Variants in DCUN1D1 observed in about 807,000 individuals in gnomAD.
DCUN1D1 encodes DCN1-like protein 1.
DCUN1D1 carries 3 observed loss-of-function variants against 39.0 expected under a neutral mutation model. That is an observed-to-expected ratio of 0.08 (90% CI 0.04 to 0.20). The LOEUF is 0.20. Ranked by LOEUF, DCUN1D1 falls within the 10% of genes least tolerant of loss-of-function variation. The pLI is 1.00. For missense variants in DCUN1D1, 158 were observed against 302.4 expected (o/e 0.52, Z 3.54); for synonymous variants, 82 against 96.3 (o/e 0.85, Z 0.87).
At chr3:182,954,704 C>T (rs972825555) in intron 4 of DCUN1D1, among the ~76,000 whole-genome samples, 1 of 152,130 alleles carries the variant, frequency 6.6e-6, no homozygotes, top group African/African-American at 2.4e-5. Flanking sequence ...GAGAATGCTG[C>T]TTCTGCTTTT....
chr3:182,941,878 G>A lies in DCUN1D1; in HGVS notation c.*3216C>T, dbSNP rs576995567. On this transcript the variant is annotated 3_prime_UTR_variant, in exon 7 of 7. Transcript: ENST00000292782. The stretch of plus-strand genomic sequence containing the variant: ...TCATTCATATGTGAAAATTACAGAA[G>A]GTTTACAATACGTAGTCTTAATAGT... 1.3e-5 allele frequency: 2 copies of A among 151,866 alleles called. No individual in the cohort carries two copies. Among genetic ancestry groups the A allele is most frequent in the East Asian group, 3.9e-4 (2 of 5,194 alleles). The allele number at this position is 151,866 out of a possible 1,614,324, so 9.4% of individuals were successfully genotyped here.
chr3:182,955,416 T>C (rs925090639), intron 4 of DCUN1D1: 6 of 540,838 alleles, frequency 1.1e-5, no homozygotes, highest in South Asian at 4.2e-5. Flanking sequence ...TTCCCACATT[T>C]TGCGCAAACT....
chr3:182,981,212 G>A (rs1466186168), upstream of DCUN1D1, among the ~76,000 whole-genome samples: 2 of 152,096 alleles, frequency 1.3e-5, no homozygotes, highest in Non-Finnish European at 2.9e-5. Context: ...ATAGTGAGAT[G>A]GGGTGGGGTG....
At position 182,945,067 on chromosome 3, in the gene DCUN1D1, T is replaced by C. The variant is rs1051776339; in HGVS notation, c.*27A>G. ...TCTGTTGTATTTATTGTACAGACTA[T>C]GTACATTCTAGAAGGTTCCTTTAGT... is the stretch of plus-strand genomic sequence containing the variant. On this transcript the variant is annotated 3_prime_UTR_variant, in exon 7 of 7. Coordinates refer to ENST00000292782, the MANE Select transcript of DCUN1D1 (RefSeq NM_020640.4). The C allele has an allele frequency of 6.3e-7, 1 of 1,584,052 alleles. No individual in the cohort carries two copies. Among genetic ancestry groups the C allele is most frequent in the Non-Finnish European group, 8.7e-7 (1 of 1,154,794 alleles).
intron 4 of DCUN1D1, among the ~76,000 whole-genome samples, chr3:182,951,894 C>T (rs1267552392): frequency 6.6e-6 from 1 of 151,930 alleles, no homozygotes; most frequent in Non-Finnish European, 1.5e-5. Context: ...CAGGATTTCT[C>T]CCTGTTGGTC....
Position 182,972,975 on chromosome 3 carries a change from G to C in DCUN1D1, c.4-7222C>G, listed in dbSNP as rs574594089. ...GAAAATTGCTTGAACCCGGGAGGCG[G>C]AGGTTGTGGTGAGCGGAGATCACAC... On this transcript the variant is annotated intron_variant, in intron 1 of 6. Transcript: ENST00000292782. Among the ~76,000 whole-genome samples, 82 of 152,214 alleles carry C rather than the reference G, an allele frequency of 5.4e-4. 1 individual carries two copies. The highest frequency in any genetic ancestry group is 5.4e-3 in the Admixed American group (82 of 15,302).
intron 4 of DCUN1D1, among the ~76,000 whole-genome samples, chr3:182,958,327 T>TA (rs1286456248): frequency 6.6e-6 from 1 of 152,108 alleles, no homozygotes; most frequent in East Asian, 1.9e-4. Context: ...GAGCAGAAAG[T>TA]AGAGATTTCC....
Position 182,940,313 on chromosome 3 carries a change from A to G in DCUN1D1, c.*4781T>C, listed in dbSNP as rs554275950. ...ATTTGAATATATATGTACTTTTTAA[A>G]TATAAAATGAGTATGTTCCGTTTGT... On this transcript the variant is annotated 3_prime_UTR_variant, in exon 7 of 7. Transcript: ENST00000292782. 12 of 152,314 alleles carry G rather than the reference A, an allele frequency of 7.9e-5. No individual in the cohort carries two copies. The highest frequency in any genetic ancestry group is 2.9e-4 in the African/African-American group (12 of 41,570). The allele number at this position is 152,314 out of a possible 1,614,324, so 9.4% of individuals were successfully genotyped here. A position where few individuals can be genotyped will look rare whatever the true frequency, so the allele number is the denominator to read the frequency against.
chr3:182,985,208 C>G (rs903661413), upstream of DCUN1D1, among the ~76,000 whole-genome samples: 1 of 152,136 alleles, frequency 6.6e-6, no homozygotes, highest in African/African-American at 2.4e-5. Context: ...ATGAAAGCCA[C>G]GGTTCCAAAG....
upstream of DCUN1D1, among the ~76,000 whole-genome samples, chr3:182,983,308 C>T (rs368873458): frequency 3.0e-4 from 45 of 152,322 alleles, no homozygotes; most frequent in East Asian, 3.5e-3. Flanking sequence ...ATCCTCACTG[C>T]GACACATACT....
At position 182,944,922 on chromosome 3, in the gene DCUN1D1, G is replaced by T; in HGVS notation, c.*172C>A. On this transcript the variant is annotated 3_prime_UTR_variant, in exon 7 of 7. Coordinates refer to ENST00000292782, the MANE Select transcript of DCUN1D1 (RefSeq NM_020640.4). The stretch of plus-strand genomic sequence containing the variant: ...AGAAGACAAGCCCAAACCACCATTA[G>T]AAGAATGAAATACGATATGGTCCAA... 1.8e-6 allele frequency: 1 copy of T among 567,778 alleles called. No homozygotes were observed. The highest frequency in any genetic ancestry group is 3.1e-6 in the Non-Finnish European group (1 of 325,146). 35.2% of individuals were successfully genotyped at this position (567,778 alleles called of 1,614,324 possible). A position where few individuals can be genotyped will look rare whatever the true frequency, so the allele number is the denominator to read the frequency against.
chr3:182,940,936 G>A lies in DCUN1D1; in HGVS notation c.*4158C>T, dbSNP rs1007561756. ...AAACTCCATAAAGACATTACTTATT[G>A]AGAATTCCACTAACTACAAAGGCTG... On this transcript the variant is annotated 3_prime_UTR_variant, in exon 7 of 7. Transcript: ENST00000292782. 6 of 152,064 alleles carry A rather than the reference G, an allele frequency of 3.9e-5. No individual in the cohort carries two copies. The South Asian group carries it at 6.2e-4, about 16-fold the overall frequency. The allele number at this position is 152,064 out of a possible 1,614,324, so 9.4% of individuals were successfully genotyped here. A position where few individuals can be genotyped will look rare whatever the true frequency, so the allele number is the denominator to read the frequency against.
Position 182,945,044 on chromosome 3 carries a change from T to C in DCUN1D1, c.*50A>G. On this transcript the variant is annotated 3_prime_UTR_variant, in exon 7 of 7. Coordinates refer to ENST00000292782, the MANE Select transcript of DCUN1D1 (RefSeq NM_020640.4). ...AGCAGAAATTGACTGTGCAATTTTC[T>C]GTTGTATTTATTGTACAGACTATGT... 1 of 1,492,202 alleles carries C rather than the reference T, an allele frequency of 6.7e-7. No homozygotes were observed. Among genetic ancestry groups the C allele is most frequent in the Non-Finnish European group, 9.3e-7 (1 of 1,073,736 alleles). The allele number at this position is 1,492,202 out of a possible 1,614,324, so 92.4% of individuals were successfully genotyped here.
chr3:182,955,765 G>C (rs1301919851), intron 4 of DCUN1D1: 4 of 300,652 alleles, frequency 1.3e-5, no homozygotes, highest in Middle Eastern at 1.2e-3. Context: ...ATTTTTAGTA[G>C]AAACAGGGTT....
intron 6 of DCUN1D1, among the ~76,000 whole-genome samples, chr3:182,945,472 A>G (rs1422503280): frequency 1.3e-5 from 2 of 152,184 alleles, no homozygotes; most frequent in African/African-American, 4.8e-5. Flanking sequence ...CAGTCAGCCA[A>G]TGGAAGTAAT....
At chr3:182,947,721 C>A in intron 4 of DCUN1D1, 89 bp from the exon 5 acceptor site, 3 of 751,528 alleles carry the variant, frequency 4.0e-6, no homozygotes, top group East Asian at 2.8e-5. Context: ...CAGGTATGAC[C>A]AAAGAAAGTC....
intron 6 of DCUN1D1, 35 bp downstream of exon 6, chr3:182,947,203 T>A: frequency 8.0e-7 from 1 of 1,253,362 alleles, no homozygotes; most frequent in South Asian, 1.3e-5. Flanking sequence ...AAAAGGCACA[T>A]TAAAAAAAAG....
chr3:182,983,790 C>G (rs1265327593), upstream of DCUN1D1, among the ~76,000 whole-genome samples: 1 of 152,112 alleles, frequency 6.6e-6, no homozygotes, highest in Non-Finnish European at 1.5e-5. Flanking sequence ...TCTGGTTAGT[C>G]TATTCTCTTG....
At position 182,947,218 on chromosome 3, in the gene DCUN1D1, G is replaced by C; in HGVS notation, c.700+20C>G. 6.8e-7 allele frequency: 1 copy of C among 1,479,316 alleles called. No homozygotes were observed. Among genetic ancestry groups the C allele is most frequent in the East Asian group, 2.3e-5 (1 of 43,064 alleles). The allele number at this position is 1,479,316 out of a possible 1,614,324, so 91.6% of individuals were successfully genotyped here. ...AAAAGGCACATTAAAAAAAAGTGGT[G>C]TGGCAAAAATTTTCATTACCTTCTT... On this transcript the variant is annotated intron_variant, in intron 6 of 6. Coordinates refer to ENST00000292782, the MANE Select transcript of DCUN1D1 (RefSeq NM_020640.4).
Sources: allele counts gnomAD v4.1 joint callset (sites outside exome capture counted in the v4.1 genomes callset), GRCh38; gene constraint gnomAD v4.1.1; transcripts MANE v1.5; gene names NCBI Gene and HGNC (gene_info 2026-07-23, HGNC 2026-07-21).